L3HYPDH: variants seen among roughly 807,000 people sequenced by gnomAD.
L3HYPDH encodes trans-L-3-hydroxyproline dehydratase.
In L3HYPDH, 32 loss-of-function variants were observed where a neutral mutation model predicts 26.5. The observed-to-expected ratio is 1.21, with a 90% CI of 0.91 to 1.62. The LOEUF (loss-of-function observed/expected upper bound fraction) is 1.62. Ranked by LOEUF, L3HYPDH falls within the 40% of genes most tolerant of loss-of-function variation. The pLI is 0.00. For synonymous variants in L3HYPDH, 215 were observed against 196.6 expected, an observed-to-expected ratio of 1.09 and a Z score of -0.78; for missense variants, 554 against 476.4, an observed-to-expected ratio of 1.16 and a Z score of -1.52.
At chr14:59,491,951 T>G in the L3HYPDH span, among the ~76,000 whole-genome samples, 5 of 152,218 alleles carry the variant, frequency 3.3e-5, no homozygotes, top group African/African-American at 1.2e-4. Context: ...GCTGGAAAGC[T>G]TCCCCATTCT....
the L3HYPDH span, among the ~76,000 whole-genome samples, chr14:59,502,773 T>TTGTTTTTTTTTTTTTTTTTTTTG: frequency 1.5e-4 from 15 of 102,848 alleles, no homozygotes; most frequent in Non-Finnish European, 1.8e-4. Flanking sequence ...TTTTTTTTTT[T>TTGTTTTTTTTTTTTTTTTTTTTG]CGGAGTCTCA....
upstream of L3HYPDH, chr14:59,484,789 G>C (rs547833097): frequency 1.8e-4 from 165 of 899,542 alleles, no homozygotes; most frequent in Non-Finnish European, 2.5e-4. Context: ...GGCTACTAGG[G>C]GAGGCGCGCT....
chr14:59,483,419 A>T (rs1189581556), intron 1 of L3HYPDH: 1 of 790,122 alleles, frequency 1.3e-6, no homozygotes, highest in East Asian at 7.3e-5. Context: ...GTGTCTACCA[A>T]GCATATTCTC....
At position 59,474,535 on chromosome 14, in the gene L3HYPDH, T is replaced by C. The variant is rs1194920770; in HGVS notation, c.939+1334A>G. On this transcript the variant is annotated intron_variant, in intron 4 of 4. Transcript: ENST00000247194. ...TCTTCTCATAACAGCTCCTATAATA[T>C]AAAGCCTCATTGACCTTTTGCTTTG... 5 of 699,590 alleles carry C rather than the reference T, an allele frequency of 7.1e-6. No homozygotes were observed. The South Asian group carries it at 7.5e-5, about 10-fold the overall frequency. The allele number at this position is 699,590 out of a possible 1,614,324, so 43.3% of individuals were successfully genotyped here. A position where few individuals can be genotyped will look rare whatever the true frequency, so the allele number is the denominator to read the frequency against.
the L3HYPDH span, chr14:59,503,965 G>A: frequency 2.5e-6 from 4 of 1,613,714 alleles, no homozygotes; most frequent in Non-Finnish European, 3.4e-6. Context: ...ACTTGAGCAA[G>A]ATTTGCCCCT....
At position 59,484,088 on chromosome 14, in the gene L3HYPDH, C is replaced by A. The variant is rs746888775; in HGVS notation, c.229G>T (p.Gly77Trp). The A allele has an allele frequency of 1.8e-5, 29 of 1,606,484 alleles. No homozygotes were observed. Among genetic ancestry groups the A allele is most frequent in the Non-Finnish European group, 2.4e-5 (28 of 1,179,470 alleles). ...AGCTCGCTCGGGACTAGGACCGCCC[C>A]GTACATGTCCCGGTGCCCTCGGGGC... ...FEPRGHRDMY[G>W]AVLVPSELPD... The change falls in exon 1 of 5, where the codon GGG (glycine) becomes TGG (tryptophan). Residue 77 changes from glycine (G) to tryptophan (W), a missense_variant. Gly to Trp is a radical substitution (Grantham distance 184). Coordinates refer to ENST00000247194, the MANE Select transcript of L3HYPDH (RefSeq NM_144581.2).
At chr14:59,495,196 C>T in the L3HYPDH span, 9 of 1,612,424 alleles carry the variant, frequency 5.6e-6, no homozygotes, top group South Asian at 3.3e-5. Flanking sequence ...TACCACAGTA[C>T]ACTGTACTCA....
At chr14:59,466,270 A>G (rs566836831) in intron 1 of L3HYPDH, among the ~76,000 whole-genome samples, 66 of 152,332 alleles carry the variant, frequency 4.3e-4, no homozygotes, top group African/African-American at 1.6e-3. Context: ...ATCACCACAG[A>G]TGCAGCTCCA....
At chr14:59,502,750 A>G in the L3HYPDH span, among the ~76,000 whole-genome samples, 1 of 4,908 alleles carries the variant, frequency 2.0e-4, no homozygotes, top group African/African-American at 3.5e-4. Context: ...ATAAAATGAG[A>G]TTTTTTTTTT....
chr14:59,492,356 T>C, the L3HYPDH span, among the ~76,000 whole-genome samples: 3 of 151,478 alleles, frequency 2.0e-5, no homozygotes, highest in Non-Finnish European at 3.0e-5. Context: ...AAGAAGGAGA[T>C]GGAAAATCAG....
upstream of L3HYPDH, chr14:59,486,842 A>G (rs1890618291): frequency 7.7e-7 from 1 of 1,293,434 alleles, no homozygotes; most frequent in African/African-American, 1.5e-5. Flanking sequence ...ATTTTGTAAA[A>G]TCTATTTGCT....
chr14:59,497,699 G>A, the L3HYPDH span, among the ~76,000 whole-genome samples: 1 of 152,094 alleles, frequency 6.6e-6, no homozygotes, highest in Non-Finnish European at 1.5e-5. Flanking sequence ...TTCTTTTGAT[G>A]TTGTTTGGGG....
At position 59,472,973 on chromosome 14, in the gene L3HYPDH, G is replaced by C. The variant is rs766970729; in HGVS notation, c.1057C>G (p.Leu353Val). Reference sequence around the variant, plus strand: ...TAAAATCATGGAAGAAGTCACTTGAGAAGAAATCCATCCCTCAATGGGTCG... The same window carrying C: ...TAAAATCATGGAAGAAGTCACTTGACAAGAAATCCATCCCTCAATGGGTCG... Reference protein sequence around the residue: ...DDDPLRDGFLLK With the variant: ...DDDPLRDGFLVK The change falls in exon 5 of 5, where the codon CTC becomes GTC. Residue 353 changes from leucine (L) to valine (V), a missense_variant. Coordinates refer to ENST00000247194, the MANE Select transcript of L3HYPDH (RefSeq NM_144581.2). 1 of 1,596,668 alleles carries C rather than the reference G, an allele frequency of 6.3e-7. No homozygotes were observed. Among genetic ancestry groups the C allele is most frequent in the East Asian group, 2.3e-5 (1 of 44,206 alleles).
chr14:59,483,287 G>A (rs947013876), intron 1 of L3HYPDH, among the ~76,000 whole-genome samples: 3 of 152,210 alleles, frequency 2.0e-5, no homozygotes, highest in Non-Finnish European at 2.9e-5. Context: ...TTAAAGAAAA[G>A]CAACATTCGT....
intron 4 of L3HYPDH, chr14:59,474,459 C>T: frequency 1.4e-6 from 1 of 689,902 alleles, no homozygotes; most frequent in Middle Eastern, 2.3e-4. Context: ...CTGAGTCATT[C>T]TTTGGTCTCT....
chr14:59,504,387 C>A, the L3HYPDH span: 2 of 266,720 alleles, frequency 7.5e-6, no homozygotes, highest in Non-Finnish European at 7.1e-6. Context: ...AATGTGTTCC[C>A]ATTTTATTAA....
chr14:59,483,826 G>T lies in L3HYPDH; in HGVS notation c.491C>A (p.Ala164Asp), dbSNP rs1429983350. Residue 164 changes from alanine (A) to aspartate (D), a missense_variant, in exon 1 of 5, where the codon GCC (alanine) becomes GAC (aspartate). Physicochemically the swap from Ala to Asp is moderately radical, Grantham distance 126. Coordinates refer to ENST00000247194, the MANE Select transcript of L3HYPDH (RefSeq NM_144581.2). ...HGPVRFHSVP[A>D]FVLATDLMVD... ...CCCATTACCTGTGGCCAGCACGAAGGCCGGGACGCTGTGGAAGCGCACCGG... is the reference window on the plus strand; with the variant it reads ...CCCATTACCTGTGGCCAGCACGAAGTCCGGGACGCTGTGGAAGCGCACCGG... The T allele has an allele frequency of 1.3e-6, 2 of 1,592,272 alleles. No homozygotes were observed. Among genetic ancestry groups the T allele is most frequent in the South Asian group, 2.2e-5 (2 of 89,504 alleles).
Position 59,479,215 on chromosome 14 carries a change from T to C in L3HYPDH, c.645A>G (p.Ala215=). The C allele has an allele frequency of 6.2e-7, 1 of 1,611,266 alleles. No individual in the cohort carries two copies. The highest frequency in any genetic ancestry group is 8.5e-7 in the Non-Finnish European group (1 of 1,179,464). The change falls in exon 2 of 5, where the codon GCA becomes GCG. Residue 215 remains alanine, a synonymous_variant. Coordinates refer to ENST00000247194, the MANE Select transcript of L3HYPDH (RefSeq NM_144581.2). ...TCACTGCCTCTGTCACTGCACTCGC[T>C]GCATCCACAAGGTCCCTGGTCTTTG... ...CSAKTRDLVD[A]ASAVTEAVKA...
chr14:59,473,100 G>A lies in L3HYPDH; in HGVS notation c.940-10C>T. On this transcript the variant is annotated splice_polypyrimidine_tract_variant and intron_variant, in intron 4 of 4. Coordinates refer to ENST00000247194, the MANE Select transcript of L3HYPDH (RefSeq NM_144581.2). ...CACCACATTTCGCTTCCTGAAAAAAGATGAAGGGAGTATACTATCAAAATA... is the reference window on the plus strand; with the variant it reads ...CACCACATTTCGCTTCCTGAAAAAAAATGAAGGGAGTATACTATCAAAATA... 1 of 1,586,674 alleles carries A rather than the reference G, an allele frequency of 6.3e-7. No homozygotes were observed. The highest frequency in any genetic ancestry group is 1.2e-5 in the South Asian group (1 of 85,656).
Sources: gnomAD v4.1 joint callset for allele counts (sites outside exome capture counted in the v4.1 genomes callset) on GRCh38, gnomAD v4.1.1 for gene constraint, MANE v1.5 for transcripts, NCBI Gene and HGNC (gene_info 2026-07-23, HGNC 2026-07-21) for gene names.